The following CNTNAP2 variants were observed in gnomAD, a reference collection of about 807,000 sequenced individuals.
CNTNAP2 encodes contactin associated protein 2.
CNTNAP2 carries 98 observed loss-of-function variants against 155.2 expected under a neutral mutation model. That is an observed-to-expected ratio of 0.63 (90% confidence interval 0.54 to 0.75). The LOEUF is 0.75. Among genes scored for constraint, CNTNAP2 ranks in the 30% least tolerant of loss-of-function variants. CNTNAP2 has a pLI of 0.00. For missense variants in CNTNAP2, 1,727 were observed against 1,688.1 expected, an observed-to-expected ratio of 1.02 and a Z score of -0.40; for synonymous variants, 651 against 631.2, an observed-to-expected ratio of 1.03 and a Z score of -0.47.
chr7:148,379,977 A>C (rs1327557776), intron 21 of CNTNAP2, among the ~76,000 whole-genome samples: 1 of 152,232 alleles, frequency 6.6e-6, no homozygotes, highest in African/African-American at 2.4e-5. Context: ...TTTCCTTAAA[A>C]GGACTGTCAT....
chr7:146,396,045 C>G (rs370599059), intron 1 of CNTNAP2, among the ~76,000 whole-genome samples: 3 of 152,188 alleles, frequency 2.0e-5, no homozygotes, highest in African/African-American at 7.2e-5. Context: ...CATAAATGCT[C>G]AATATCTTCA....
intron 1 of CNTNAP2, among the ~76,000 whole-genome samples, chr7:146,172,697 G>C (rs548946006): frequency 6.6e-6 from 1 of 152,216 alleles, no homozygotes; most frequent in East Asian, 1.9e-4. Flanking sequence ...GAGGAATCTT[G>C]TAATTAATTA....
chr7:146,878,735 CA>C (rs1447168275), intron 3 of CNTNAP2, among the ~76,000 whole-genome samples: 1 of 151,974 alleles, frequency 6.6e-6, no homozygotes, highest in Non-Finnish European at 1.5e-5. Flanking sequence ...CGCTGCTTCT[CA>C]AAAAAGATGA....
At chr7:146,426,977 T>C (rs1796102704) in intron 1 of CNTNAP2, among the ~76,000 whole-genome samples, 1 of 152,112 alleles carries the variant, frequency 6.6e-6, no homozygotes, top group African/African-American at 2.4e-5. Context: ...ACCATAAATA[T>C]ATACAATTTT....
At chr7:147,484,923 G>T (rs1798485228) in intron 10 of CNTNAP2, among the ~76,000 whole-genome samples, 3 of 152,162 alleles carry the variant, frequency 2.0e-5, no homozygotes, top group Admixed American at 2.0e-4. Flanking sequence ...GTGAATACTG[G>T]TACATCACAA....
At chr7:146,807,723 T>C (rs368885117) in intron 2 of CNTNAP2, among the ~76,000 whole-genome samples, 12 of 152,036 alleles carry the variant, frequency 7.9e-5, no homozygotes, top group African/African-American at 2.9e-4. Context: ...CTCCTTTGTC[T>C]CTCCATCTCT....
At chr7:148,041,747 G>A (rs1802680087) in intron 15 of CNTNAP2, among the ~76,000 whole-genome samples, 1 of 152,074 alleles carries the variant, frequency 6.6e-6, no homozygotes, top group African/African-American at 2.4e-5. Context: ...ACTATCCCCA[G>A]TTTAAAACAG....
At chr7:148,061,958 G>GATAGATAGATAGATAAACAGAT (rs1803153515) in intron 15 of CNTNAP2, among the ~76,000 whole-genome samples, 1 of 29,902 alleles carries the variant, frequency 3.3e-5, no homozygotes, top group Non-Finnish European at 7.3e-5. Flanking sequence ...AACAGATATA[G>GATAGATAGATAGATAAACAGAT]ATAGATAGAT....
At chr7:148,258,339 A>G (rs575010323) in intron 20 of CNTNAP2, among the ~76,000 whole-genome samples, 2 of 152,188 alleles carry the variant, frequency 1.3e-5, no homozygotes, top group African/African-American at 2.4e-5. Context: ...ACCTAATCCT[A>G]CTTCTTTATC....
At chr7:148,350,670 C>A (rs959121850) in intron 21 of CNTNAP2, among the ~76,000 whole-genome samples, 4 of 152,140 alleles carry the variant, frequency 2.6e-5, no homozygotes, top group Non-Finnish European at 2.9e-5. Context: ...AGAGGGATAC[C>A]AGGCAACAGA....
chr7:147,120,282 G>A (rs1307305220), intron 5 of CNTNAP2, among the ~76,000 whole-genome samples: 1 of 152,098 alleles, frequency 6.6e-6, no homozygotes, highest in Non-Finnish European at 1.5e-5. Flanking sequence ...TTCTTTGCCT[G>A]TACTAACTCA....
At chr7:147,735,140 C>A (rs1438891134) in intron 13 of CNTNAP2, among the ~76,000 whole-genome samples, 1 of 152,108 alleles carries the variant, frequency 6.6e-6, no homozygotes, top group Non-Finnish European at 1.5e-5. Context: ...ATCTTTCCTG[C>A]TTTCTCTTGT....
At chr7:147,521,540 G>A (rs1459723934) in intron 11 of CNTNAP2, among the ~76,000 whole-genome samples, 3 of 152,168 alleles carry the variant, frequency 2.0e-5, no homozygotes, top group African/African-American at 7.2e-5. Flanking sequence ...CTGCCCCAAG[G>A]TGTTTCCCAT....
intron 13 of CNTNAP2, among the ~76,000 whole-genome samples, chr7:147,702,358 C>T (rs1409188878): frequency 6.6e-6 from 1 of 151,988 alleles, no homozygotes; most frequent in African/African-American, 2.4e-5. Flanking sequence ...GAAAAAAATA[C>T]AACTTTCTGA....
intron 13 of CNTNAP2, among the ~76,000 whole-genome samples, chr7:147,802,561 G>T: frequency 6.6e-6 from 1 of 152,218 alleles, no homozygotes. Context: ...ATCACTCGCG[G>T]TTACGAGCTG....
intron 14 of CNTNAP2, among the ~76,000 whole-genome samples, chr7:147,908,607 C>T (rs1162760089): frequency 2.0e-5 from 3 of 152,138 alleles, no homozygotes; most frequent in East Asian, 1.9e-4. Context: ...TGCACTGTCA[C>T]GATCATTGCT....
chr7:146,664,376 G>A (rs2129166712), intron 1 of CNTNAP2, among the ~76,000 whole-genome samples: 1 of 151,942 alleles, frequency 6.6e-6, no homozygotes, highest in African/African-American at 2.4e-5. Context: ...GGCCAGACTG[G>A]TCTCAATCTC....
intron 9 of CNTNAP2, among the ~76,000 whole-genome samples, chr7:147,330,734 T>C (rs2116840892): frequency 6.6e-6 from 1 of 152,332 alleles, no homozygotes; most frequent in South Asian, 2.1e-4. Flanking sequence ...ATCCTGTTCA[T>C]CATCCTTGGC....
Position 147,274,157 on chromosome 7 carries a change from G to C in CNTNAP2, c.1349-25984G>C, listed in dbSNP as rs137940250. Among the ~76,000 whole-genome samples, 1,127 of 152,074 alleles carry C rather than the reference G, an allele frequency of 7.4e-3. 16 individuals carry two copies. Among genetic ancestry groups the C allele is most frequent in the African/African-American group, 0.026 (1,074 of 41,488 alleles). ...GCAAATAGTGCTGTGATCAACATAT[G>C]AGTGTTGGGTAGATACACAGTAGTG... On this transcript the variant is annotated intron_variant, in intron 8 of 23. Coordinates refer to ENST00000361727, the MANE Select transcript of CNTNAP2 (RefSeq NM_014141.6).
Sources: gnomAD v4.1 joint callset for allele counts (sites outside exome capture counted in the v4.1 genomes callset) on GRCh38, gnomAD v4.1.1 for gene constraint, MANE v1.5 for transcripts, NCBI Gene and HGNC (gene_info 2026-07-23, HGNC 2026-07-21) for gene names.